Variants in GSN observed in about 807,000 individuals in gnomAD.
GSN encodes the protein actin-depolymerizing factor.
In GSN, 56 loss-of-function variants were observed where a neutral mutation model predicts 85.7. The observed-to-expected ratio is 0.65, with a 90% confidence interval of 0.53 to 0.82. GSN has a LOEUF of 0.82. Among genes scored for constraint, GSN ranks in the 40% least tolerant of loss-of-function variants. The pLI is 0.00. For synonymous variants in GSN, 373 were observed against 399.1 expected (o/e 0.93, Z 0.78); for missense variants, 857 against 979.8 (o/e 0.87, Z 1.67).
chr9:121,234,342 A>G (rs2054451154), intron 5 of GSN, among the ~76,000 whole-genome samples: 1 of 152,172 alleles, frequency 6.6e-6, no homozygotes, highest in Non-Finnish European at 1.5e-5. Context: ...TACATCTTGA[A>G]AAGTAATAGA....
At chr9:121,206,720 G>GA (rs978546555), upstream of GSN, among the ~76,000 whole-genome samples, 957 of 143,608 alleles carry the variant, frequency 6.7e-3, 6 homozygotes, top group Non-Finnish European at 0.011. Context: ...CATGTTACAT[G>GA]AAAAAAAAAA....
chr9:121,215,373 C>T (rs1046387912), intron 4 of GSN, among the ~76,000 whole-genome samples: 5 of 151,834 alleles, frequency 3.3e-5, no homozygotes, highest in Admixed American at 6.6e-5. Flanking sequence ...CAATTCAACC[C>T]GTAACATTGG....
intron 4 of GSN, among the ~76,000 whole-genome samples, chr9:121,214,932 A>T (rs1480135186): frequency 6.6e-6 from 1 of 152,200 alleles, no homozygotes; most frequent in African/African-American, 2.4e-5. Context: ...TAATAAAAGT[A>T]CCATGAACTG....
chr9:121,207,610 C>A (rs1287676826), upstream of GSN, among the ~76,000 whole-genome samples: 2 of 152,132 alleles, frequency 1.3e-5, no homozygotes, highest in Non-Finnish European at 2.9e-5. Flanking sequence ...CCAACAGGGG[C>A]AGGATTTTTT....
At chr9:121,239,598 A>G (rs1041463367) in intron 5 of GSN, 14 of 274,936 alleles carry the variant, frequency 5.1e-5, no homozygotes, top group East Asian at 1.0e-4. Flanking sequence ...CATACCAACT[A>G]TGGCTGAAAT....
At chr9:121,224,161 A>G (rs1046855003) in intron 4 of GSN, among the ~76,000 whole-genome samples, 2 of 151,772 alleles carry the variant, frequency 1.3e-5, no homozygotes, top group African/African-American at 4.8e-5. Flanking sequence ...CAGTGGTGCG[A>G]TCTTGGCTCA....
chr9:121,295,831 A>C (rs549743803), intron 2 of GSN, among the ~76,000 whole-genome samples: 94 of 152,334 alleles, frequency 6.2e-4, no homozygotes, highest in South Asian at 1.4e-3. Flanking sequence ...GAGATCTCCG[A>C]GGTGCACAGA....
chr9:121,311,145 T>C, intron 5 of GSN: 1 of 433,134 alleles, frequency 2.3e-6, no homozygotes. Flanking sequence ...GGGCAAACAC[T>C]CTGGGCTTTT....
Position 121,324,620 on chromosome 9 carries a change from G to T in GSN, c.1392G>T (p.Glu464Asp), listed in dbSNP as rs1185072507. 6.5e-7 allele frequency: 1 copy of T among 1,540,228 alleles called. No individual in the cohort carries two copies. ...CCATCCTGACTGCTCAGCTGGATGAGGAGCTGGGAGGTACCCCTGTCCAGG... is the reference window on the plus strand; with the variant it reads ...CCATCCTGACTGCTCAGCTGGATGATGAGCTGGGAGGTACCCCTGTCCAGG... ...ASAILTAQLD[E>D]ELGGTPVQSR... Residue 464 changes from glutamate (E) to aspartate (D), a missense_variant, in exon 12 of 18, where the codon GAG becomes GAT. By Grantham distance (45) the Glu-to-Asp change is conservative. Coordinates refer to ENST00000432226, the MANE Select transcript of GSN (RefSeq NM_198252.3).
chr9:121,326,851 C>G, intron 13 of GSN, 169 bp downstream of exon 13: 1 of 780,010 alleles, frequency 1.3e-6, no homozygotes, highest in Non-Finnish European at 2.4e-6. Flanking sequence ...GTCTTAGACT[C>G]CCCCCTGTTT....
intron 4 of GSN, among the ~76,000 whole-genome samples, chr9:121,305,241 C>A (rs2060278877): frequency 1.3e-5 from 2 of 152,096 alleles, no homozygotes; most frequent in African/African-American, 4.8e-5. Flanking sequence ...CTCACTGTAG[C>A]CTTTAGGGTG....
chr9:121,201,647 T>C, the GSN span: 1 of 151,510 alleles, frequency 6.6e-6, no homozygotes, highest in South Asian at 2.1e-4. Context: ...ACCTGGGGGG[T>C]TGCTGGTGGC....
At chr9:121,319,083 A>C (rs1365576997) in intron 10 of GSN, among the ~76,000 whole-genome samples, 1 of 152,202 alleles carries the variant, frequency 6.6e-6, no homozygotes, top group African/African-American at 2.4e-5. Context: ...CCTTGCCCCG[A>C]GGAGTGCCTG....
chr9:121,206,636 C>T (rs976299455), upstream of GSN, among the ~76,000 whole-genome samples: 3 of 151,874 alleles, frequency 2.0e-5, no homozygotes, highest in Non-Finnish European at 2.9e-5. Flanking sequence ...AGCACCCTAC[C>T]GGAGACTCAT....
chr9:121,207,578 G>A (rs1315898667), upstream of GSN, among the ~76,000 whole-genome samples: 3 of 152,192 alleles, frequency 2.0e-5, no homozygotes, highest in African/African-American at 7.2e-5. Context: ...ACAGAAACAT[G>A]AGACCCATGG....
At chr9:121,276,737 AC>A (rs1313726470) in intron 1 of GSN, among the ~76,000 whole-genome samples, 3 of 151,908 alleles carry the variant, frequency 2.0e-5, no homozygotes, top group African/African-American at 7.3e-5. Context: ...TTCTCATGAA[AC>A]CTAAGGCCTG....
chr9:121,285,545 A>T (rs1174324382), intron 2 of GSN: 4 of 165,748 alleles, frequency 2.4e-5, no homozygotes, highest in African/African-American at 9.7e-5. Flanking sequence ...AAATGAAATT[A>T]AAAAAAAATT....
At chr9:121,213,873 C>CAATG (rs991398819) in intron 4 of GSN, among the ~76,000 whole-genome samples, 1 of 152,104 alleles carries the variant, frequency 6.6e-6, no homozygotes, top group African/African-American at 2.4e-5. Flanking sequence ...GAGCATTCAT[C>CAATG]AATGAATGAA....
intron 2 of GSN, among the ~76,000 whole-genome samples, chr9:121,296,862 G>C (rs955302903): frequency 2.0e-5 from 3 of 152,228 alleles, no homozygotes; most frequent in African/African-American, 7.2e-5. Context: ...CTGTTCACCA[G>C]CTCTCCTGTG....
Sources: allele counts gnomAD v4.1 joint callset (sites outside exome capture counted in the v4.1 genomes callset), GRCh38; gene constraint gnomAD v4.1.1; transcripts MANE v1.5; gene names NCBI Gene and HGNC (gene_info 2026-07-23, HGNC 2026-07-21).